The following TSHZ2 variants were observed in gnomAD, a reference collection of about 807,000 sequenced individuals.
TSHZ2 encodes teashirt zinc finger homeobox 2.
TSHZ2 carries 21 observed loss-of-function variants against 74.4 expected under a neutral mutation model. That is an observed-to-expected ratio of 0.28 (90% CI 0.20 to 0.41). TSHZ2 has a LOEUF of 0.41. Ranked by LOEUF, TSHZ2 falls within the 10% of genes least tolerant of loss-of-function variation. TSHZ2 has a pLI of 1.00. For synonymous variants in TSHZ2, 540 were observed against 515.3 expected (o/e 1.05, Z -0.65); for missense variants, 1,244 against 1,293.5 (o/e 0.96, Z 0.59).
chr20:53,404,514 T>C (rs866055774), intron 2 of TSHZ2, among the ~76,000 whole-genome samples: 3 of 152,200 alleles, frequency 2.0e-5, no homozygotes, highest in African/African-American at 7.2e-5. Context: ...AAAAATATTA[T>C]CAGTTAATGA....
chr20:53,273,751 A>T, intron 2 of TSHZ2, among the ~76,000 whole-genome samples: 1 of 152,140 alleles, frequency 6.6e-6, no homozygotes, highest in South Asian at 2.1e-4. Context: ...GAATGCGTGG[A>T]CCTGGGAGAA....
intron 2 of TSHZ2, among the ~76,000 whole-genome samples, chr20:53,376,713 C>T (rs1391498233): frequency 6.6e-6 from 1 of 152,192 alleles, no homozygotes; most frequent in Non-Finnish European, 1.5e-5. Flanking sequence ...CTTCACCTCA[C>T]TTATGTTGTG....
At chr20:53,242,947 C>G (rs1214407592) in intron 1 of TSHZ2, among the ~76,000 whole-genome samples, 1 of 152,054 alleles carries the variant, frequency 6.6e-6, no homozygotes, top group Non-Finnish European at 1.5e-5. Flanking sequence ...AGCTTACAGT[C>G]TTATCTAGAG....
chr20:53,201,013 T>G (rs1200504297), intron 1 of TSHZ2, among the ~76,000 whole-genome samples: 1 of 141,474 alleles, frequency 7.1e-6, no homozygotes, highest in Admixed American at 7.0e-5. Flanking sequence ...AAATTTTCCA[T>G]TAATTTTTTT....
intron 2 of TSHZ2, among the ~76,000 whole-genome samples, chr20:53,384,829 CAT>C (rs1398054650): frequency 6.6e-6 from 1 of 152,168 alleles, no homozygotes. Context: ...CATTTTAAAA[CAT>C]AAAGGAGTCG....
chr20:53,294,472 TAAAA>T (rs3830901), intron 2 of TSHZ2, among the ~76,000 whole-genome samples: 20 of 147,034 alleles, frequency 1.4e-4, no homozygotes, highest in African/African-American at 4.5e-4. Flanking sequence ...CACAAGCTTA[TAAAA>T]AAAAAAGAGA....
intron 1 of TSHZ2, among the ~76,000 whole-genome samples, chr20:53,151,095 T>A (rs546018749): frequency 6.6e-6 from 1 of 152,354 alleles, no homozygotes; most frequent in Non-Finnish European, 1.5e-5. Context: ...TCACGCTCTC[T>A]TGACAGCACA....
rs1183076217 is a variant in TSHZ2, at chr20:53,155,071, TTTTTA to T, written c.41-98427_41-98423del. Among the ~76,000 whole-genome samples the T allele has an allele frequency of 4.9e-3, 737 of 151,338 alleles. 5 individuals carry two copies. Among genetic ancestry groups the T allele is most frequent in the African/African-American group, 0.017 (712 of 41,086 alleles). On this transcript the variant is annotated intron_variant, in intron 1 of 2. Coordinates refer to ENST00000371497, the MANE Select transcript of TSHZ2 (RefSeq NM_173485.6). ...ATATGCATTTTTTTTTTTTTTTTTT[TTTTTA>T]GTTTTGTCAGGAACTACATAAAGGT...
At chr20:53,182,625 A>G (rs1012855258) in intron 1 of TSHZ2, among the ~76,000 whole-genome samples, 7 of 152,232 alleles carry the variant, frequency 4.6e-5, no homozygotes, top group Admixed American at 3.9e-4. Context: ...ACATTTTGCC[A>G]AAGAATCTCT....
intron 1 of TSHZ2, among the ~76,000 whole-genome samples, chr20:53,086,952 A>G (rs1985717518): frequency 6.6e-6 from 1 of 152,216 alleles, no homozygotes; most frequent in Non-Finnish European, 1.5e-5. Context: ...AAACAAAGCC[A>G]AGAAGATGGT....
intron 1 of TSHZ2, among the ~76,000 whole-genome samples, chr20:53,242,903 T>C (rs1600762934): frequency 6.6e-6 from 1 of 152,278 alleles, no homozygotes; most frequent in East Asian, 1.9e-4. Flanking sequence ...TGGGATACAG[T>C]GGTAAACAAG....
chr20:53,365,773 C>G (rs144387765), intron 2 of TSHZ2, among the ~76,000 whole-genome samples: 32 of 152,356 alleles, frequency 2.1e-4, no homozygotes, highest in African/African-American at 7.2e-4. Context: ...ACCTTGGTCT[C>G]TCTTCTGGAA....
At chr20:53,466,369 G>A (rs2145825575) in intron 2 of TSHZ2, among the ~76,000 whole-genome samples, 1 of 152,134 alleles carries the variant, frequency 6.6e-6, no homozygotes, top group East Asian at 1.9e-4. Context: ...TCACATTTTA[G>A]GCAGCAGTAA....
chr20:53,037,860 C>T (rs1983877635), intron 1 of TSHZ2, among the ~76,000 whole-genome samples: 1 of 152,068 alleles, frequency 6.6e-6, no homozygotes, highest in Admixed American at 6.6e-5. Flanking sequence ...CTCTCCACAC[C>T]CAACTTCATG....
rs571524506 is a variant in TSHZ2, at chr20:53,438,744, T to G, written c.*9-48400T>G. ...GGGAGGCCAAGGCAGGTGGATCATC[T>G]GAGGTCAGGAGTTCGAGACCAGCCT... is the stretch of plus-strand genomic sequence containing the variant. On this transcript the variant is annotated intron_variant, in intron 2 of 2. Coordinates refer to ENST00000371497, the MANE Select transcript of TSHZ2 (RefSeq NM_173485.6). Among the ~76,000 whole-genome samples the G allele has an allele frequency of 2.6e-5, 4 of 152,300 alleles. No individual in the cohort carries two copies. In the South Asian group the frequency reaches 6.2e-4, roughly 24 times the overall value.
At chr20:53,075,750 T>A (rs1217435976) in intron 1 of TSHZ2, among the ~76,000 whole-genome samples, 1 of 152,058 alleles carries the variant, frequency 6.6e-6, no homozygotes, top group African/African-American at 2.4e-5. Flanking sequence ...GGTGATGGAT[T>A]TTCAGTTTTT....
At chr20:53,233,722 G>C (rs1989877997) in intron 1 of TSHZ2, among the ~76,000 whole-genome samples, 1 of 152,182 alleles carries the variant, frequency 6.6e-6, no homozygotes, top group Non-Finnish European at 1.5e-5. Flanking sequence ...ATTAGAGACA[G>C]AGGGAGAAGG....
chr20:53,373,276 C>T, intron 2 of TSHZ2, among the ~76,000 whole-genome samples: 1 of 152,144 alleles, frequency 6.6e-6, no homozygotes, highest in Non-Finnish European at 1.5e-5. Context: ...TTTAAAATCA[C>T]CCTCTGTGCT....
intron 2 of TSHZ2, among the ~76,000 whole-genome samples, chr20:53,408,794 T>A (rs1387626775): frequency 6.6e-6 from 1 of 152,216 alleles, no homozygotes; most frequent in Non-Finnish European, 1.5e-5. Flanking sequence ...TCCAAACGTA[T>A]CTTTCACTCT....
Sources: allele counts gnomAD v4.1 joint callset (sites outside exome capture counted in the v4.1 genomes callset), GRCh38; gene constraint gnomAD v4.1.1; transcripts MANE v1.5; gene names NCBI Gene and HGNC (gene_info 2026-07-23, HGNC 2026-07-21).